The following SLC2A13 variants were observed in gnomAD, a reference collection of about 807,000 sequenced individuals.
SLC2A13 encodes the protein proton myo-inositol cotransporter.
Under a neutral mutation model 64.4 loss-of-function variants are expected in SLC2A13, and 32 were observed. The observed-to-expected ratio is 0.50, with a 90% confidence interval of 0.37 to 0.67. SLC2A13 has a LOEUF of 0.67. Ranked by LOEUF, SLC2A13 falls within the 30% of genes least tolerant of loss-of-function variation. SLC2A13 has a pLI of 0.00. For missense variants in SLC2A13, 743 were observed against 829.2 expected (o/e 0.90, Z 1.28); for synonymous variants, 338 against 327.1 (o/e 1.03, Z -0.36).
chr12:39,967,023 C>T (rs1025245607), intron 3 of SLC2A13, among the ~76,000 whole-genome samples: 1 of 152,038 alleles, frequency 6.6e-6, no homozygotes, highest in African/African-American at 2.4e-5. Flanking sequence ...TCTGCAGTTA[C>T]CATATGGTCA....
At chr12:39,980,688 C>T (rs1946875495) in intron 3 of SLC2A13, among the ~76,000 whole-genome samples, 1 of 151,474 alleles carries the variant, frequency 6.6e-6, no homozygotes. Flanking sequence ...TCCTGAGTGA[C>T]CTACAAAGAG....
intron 3 of SLC2A13, among the ~76,000 whole-genome samples, chr12:40,001,926 C>T (rs897873151): frequency 2.6e-5 from 4 of 152,084 alleles, no homozygotes; most frequent in Non-Finnish European, 5.9e-5. Context: ...AGTTTCAAAG[C>T]AAGAAAATCA....
intron 1 of SLC2A13, among the ~76,000 whole-genome samples, chr12:40,060,957 T>A (rs1483150853): frequency 6.6e-6 from 1 of 151,970 alleles, no homozygotes; most frequent in East Asian, 1.9e-4. Flanking sequence ...TGGGAGAAGG[T>A]TAAAGAAAGT....
At chr12:39,896,827 G>A (rs567680675) in intron 4 of SLC2A13, among the ~76,000 whole-genome samples, 5 of 152,058 alleles carry the variant, frequency 3.3e-5, no homozygotes, top group Non-Finnish European at 7.4e-5. Context: ...TCTGTCAATA[G>A]TGTGACAAAA....
At chr12:39,994,466 T>C (rs1947194081) in intron 3 of SLC2A13, among the ~76,000 whole-genome samples, 1 of 149,820 alleles carries the variant, frequency 6.7e-6, no homozygotes. Context: ...TGTGTGCATA[T>C]ACATAAAAGA....
chr12:40,057,084 A>T (rs1021646331), intron 1 of SLC2A13, among the ~76,000 whole-genome samples: 1 of 152,186 alleles, frequency 6.6e-6, no homozygotes, highest in African/African-American at 2.4e-5. Flanking sequence ...GGAAATGAGT[A>T]GCATAAGGAA....
At chr12:39,774,685 TA>T (rs995155420) in intron 7 of SLC2A13, among the ~76,000 whole-genome samples, 2 of 151,860 alleles carry the variant, frequency 1.3e-5, no homozygotes, top group African/African-American at 2.4e-5. Context: ...TATTTTCTAA[TA>T]AAAAAGTCTT....
chr12:39,836,460 T>A (rs944683845), intron 6 of SLC2A13, among the ~76,000 whole-genome samples: 3 of 152,130 alleles, frequency 2.0e-5, no homozygotes, highest in East Asian at 1.9e-4. Context: ...ACCACTCCTA[T>A]TCAACATAGT....
At chr12:39,941,722 C>T (rs1402467800) in intron 4 of SLC2A13, among the ~76,000 whole-genome samples, 1 of 151,758 alleles carries the variant, frequency 6.6e-6, no homozygotes, top group African/African-American at 2.4e-5. Context: ...TGGGAGGTCC[C>T]AATTATTTAT....
intron 3 of SLC2A13, among the ~76,000 whole-genome samples, chr12:39,975,116 C>G (rs916390861): frequency 6.6e-6 from 1 of 152,146 alleles, no homozygotes. Flanking sequence ...TATGGTGATG[C>G]TTTTAACAAA....
chr12:39,951,279 G>A lies in SLC2A13; in HGVS notation c.1012C>T (p.Leu338Phe), dbSNP rs749311925. The A allele has an allele frequency of 2.2e-5, 35 of 1,613,344 alleles. No individual in the cohort carries two copies. In the East Asian group the frequency reaches 7.4e-4, roughly 34 times the overall value. The change falls in exon 4 of 10, where the codon CTC becomes TTC. Residue 338 changes from leucine (L) to phenylalanine (F), a missense_variant. By Grantham distance (22) the Leu-to-Phe change is conservative. Around this residue, in one of 2 missense-constraint regions of SLC2A13, gnomAD observed 295 missense variants for 381.7 expected, o/e 0.77. Coordinates refer to ENST00000280871, the MANE Select transcript of SLC2A13 (RefSeq NM_052885.4). Reference sequence around the variant, plus strand: ...TACATGATGGTGTTAATGCCTGAGAGCTGCTGGAACATTTGTAGGCCACAA... The same window carrying A: ...TACATGATGGTGTTAATGCCTGAGAACTGCTGGAACATTTGTAGGCCACAA... ...VGCGLQMFQQ[L>F]SGINTIMYYS...
chr12:39,899,279 G>T (rs1417437379), intron 4 of SLC2A13, among the ~76,000 whole-genome samples: 6 of 152,076 alleles, frequency 3.9e-5, no homozygotes, highest in African/African-American at 1.4e-4. Context: ...AGAGGTGTTT[G>T]CAGTATTCTC....
intron 1 of SLC2A13, among the ~76,000 whole-genome samples, chr12:40,067,119 T>C (rs757439272): frequency 2.6e-5 from 4 of 152,094 alleles, no homozygotes; most frequent in Non-Finnish European, 5.9e-5. Flanking sequence ...AAATCGAGGG[T>C]GATACCAAGA....
chr12:39,949,866 C>A (rs1946199002), intron 4 of SLC2A13: 1 of 151,212 alleles, frequency 6.6e-6, no homozygotes, highest in Admixed American at 6.6e-5. Flanking sequence ...TATACTTCCA[C>A]CAGACTGCAG....
chr12:39,968,296 T>C (rs1185041611), intron 3 of SLC2A13, among the ~76,000 whole-genome samples: 3 of 151,980 alleles, frequency 2.0e-5, no homozygotes, highest in East Asian at 3.9e-4. Flanking sequence ...CCATCAGATC[T>C]CATGAAAACT....
At chr12:39,988,861 C>G (rs562721376) in intron 3 of SLC2A13, among the ~76,000 whole-genome samples, 1 of 152,118 alleles carries the variant, frequency 6.6e-6, no homozygotes, top group African/African-American at 2.4e-5. Context: ...TTCTAATATC[C>G]CCATCCAATG....
At chr12:39,896,316 GTATGTA>G (rs1354616646) in intron 4 of SLC2A13, among the ~76,000 whole-genome samples, 4 of 123,888 alleles carry the variant, frequency 3.2e-5, no homozygotes, top group South Asian at 5.7e-4. Context: ...ATACATATAT[GTATGTA>G]TATGTGTATA....
rs2135713844 is a variant in SLC2A13, at chr12:39,764,824, T to A, written c.1480A>T (p.Ile494Leu). The A allele has an allele frequency of 6.2e-7, 1 of 1,612,452 alleles. No homozygotes were observed. Among genetic ancestry groups the A allele is most frequent in the South Asian group, 1.1e-5 (1 of 91,030 alleles). ...GGGCAGAAATTGTAAGCCCAAAATA[T>A]ATCTTCTGTTTTGAACTTGGTTTCA... ...ENETKFKTED[I>L]FWAYNFCPTP... The change falls in exon 8 of 10, where the codon ATA (isoleucine) becomes TTA (leucine). Residue 494 changes from isoleucine to leucine, a missense_variant. Transcript: ENST00000280871.
intron 4 of SLC2A13, among the ~76,000 whole-genome samples, chr12:39,924,932 TTTC>T (rs926143651): frequency 3.3e-5 from 5 of 152,136 alleles, no homozygotes; most frequent in East Asian, 3.8e-4. Context: ...GTTTAAAATT[TTTC>T]TTCAACATTT....
Sources: gnomAD v4.1 joint callset for allele counts (sites outside exome capture counted in the v4.1 genomes callset) on GRCh38, gnomAD v4.1.1 for gene constraint, gnomAD v4.1.1 regional missense constraint, MANE v1.5 for transcripts, NCBI Gene and HGNC (gene_info 2026-07-23, HGNC 2026-07-21) for gene names.